The following DUSP10 variants were observed in gnomAD, a reference collection of about 807,000 sequenced individuals.
DUSP10 encodes dual specificity protein phosphatase 10.
Under a neutral mutation model 30.8 loss-of-function variants are expected in DUSP10, and 14 were observed. That is an observed-to-expected ratio of 0.46 (90% CI 0.30 to 0.71). The LOEUF is 0.71. Among genes scored for constraint, DUSP10 ranks in the 30% least tolerant of loss-of-function variants. The probability of loss-of-function intolerance (pLI) is 0.08; values close to 1 mark genes in which losing one functional copy is unlikely to be tolerated. For synonymous variants in DUSP10, 254 were observed against 250.4 expected, an observed-to-expected ratio of 1.01 and a Z score of -0.14; for missense variants, 550 against 619.4, an observed-to-expected ratio of 0.89 and a Z score of 1.19.
chr1:221,733,371 C>G lies in DUSP10; in HGVS notation c.811+5563G>C, dbSNP rs2102649692. 1.3e-5 allele frequency among the ~76,000 whole-genome samples: 2 copies of G among 152,306 alleles called. 1 individual carries two copies. Among genetic ancestry groups the G allele is most frequent in the African/African-American group, 4.8e-5 (2 of 41,566 alleles). Reference sequence around the variant, plus strand: ...CAAAGTGCTTTACCTATTCAGTTTCCTTCCCCTGCTTTGCTTTTCTAATGT... The same window carrying G: ...CAAAGTGCTTTACCTATTCAGTTTCGTTCCCCTGCTTTGCTTTTCTAATGT... On this transcript the variant is annotated intron_variant, in intron 2 of 3. Transcript: ENST00000366899.
intron 2 of DUSP10, among the ~76,000 whole-genome samples, chr1:221,724,946 G>A (rs1247907988): frequency 6.6e-6 from 1 of 152,170 alleles, no homozygotes; most frequent in African/African-American, 2.4e-5. Context: ...GTTTTAATAT[G>A]AGCCAAATCA....
intron 2 of DUSP10, among the ~76,000 whole-genome samples, chr1:221,716,159 C>A (rs947344534): frequency 1.3e-5 from 2 of 152,198 alleles, no homozygotes; most frequent in African/African-American, 4.8e-5. Context: ...CATTTTGATG[C>A]TTGAATTTCA....
rs1250761459 is a variant in DUSP10 at position 221,739,625 on chromosome 1, G to A, written c.120C>T (p.Asn40=). 12 of 1,614,066 alleles carry A rather than the reference G, an allele frequency of 7.4e-6. No homozygotes were observed. The highest frequency in any genetic ancestry group is 1.0e-5 in the Non-Finnish European group (12 of 1,180,044). ...SYLGSANPGS[N]SHPPVIATTV... ...TGGTGGCGATGACAGGAGGGTGGCT[G>A]TTACTGCCTGGGTTGGCAGAGCCAA... The change falls in exon 2 of 4, where the codon AAC becomes AAT. Residue 40 remains asparagine (N), a synonymous_variant. Transcript: ENST00000366899.
chr1:221,722,600 T>A (rs1034509570), intron 2 of DUSP10, among the ~76,000 whole-genome samples: 3 of 152,252 alleles, frequency 2.0e-5, no homozygotes, highest in African/African-American at 7.2e-5. Context: ...CTTGTTTTAT[T>A]CCTAGTTTTC....
intron 2 of DUSP10, among the ~76,000 whole-genome samples, chr1:221,732,199 T>C (rs1274510901): frequency 1.3e-5 from 2 of 152,158 alleles, no homozygotes; most frequent in African/African-American, 4.8e-5. Flanking sequence ...AACAAACAAA[T>C]GAATCTCCTC....
chr1:221,701,988 C>T lies in DUSP10; in HGVS notation c.*424G>A, dbSNP rs746951360. On this transcript the variant is annotated 3_prime_UTR_variant, in exon 4 of 4. Coordinates refer to ENST00000366899, the MANE Select transcript of DUSP10 (RefSeq NM_007207.6). ...GTTTTTGTTTTCTGTGTGGACAGCC[C>T]AGGTTGATCCCAGGCCTTGGTGATT... 1.2e-5 allele frequency: 2 copies of T among 169,302 alleles called. No individual in the cohort carries two copies. The highest frequency in any genetic ancestry group is 4.8e-5 in the African/African-American group (2 of 41,508). The allele number at this position is 169,302 out of a possible 1,614,324, so 10.5% of individuals were successfully genotyped here. A position where few individuals can be genotyped will look rare whatever the true frequency, so the allele number is the denominator to read the frequency against.
In DUSP10 at chr1:221,702,318, A is replaced by AT; in HGVS notation, c.*93_*94insA. 1 of 1,401,028 alleles carries AT rather than the reference A, an allele frequency of 7.1e-7. No individual in the cohort carries two copies. The highest frequency in any genetic ancestry group is 9.7e-7 in the Non-Finnish European group (1 of 1,035,410). 86.8% of individuals were successfully genotyped at this position (1,401,028 alleles called of 1,614,324 possible). A position where few individuals can be genotyped will look rare whatever the true frequency, so the allele number is the denominator to read the frequency against. On this transcript the variant is annotated 3_prime_UTR_variant, in exon 4 of 4. Transcript: ENST00000366899. This position sits in a 1 kb window ranked among gnomAD's most constrained non-coding sequence, Gnocchi z 4.5. Reference sequence around the variant, plus strand: ...TCCATTCACAAACTTACTCCCAACTACAAAAAAAAAAAGAAAGAAAAAAAA... The same window carrying AT: ...TCCATTCACAAACTTACTCCCAACTATCAAAAAAAAAAAGAAAGAAAAAAAA...
At chr1:221,733,677 T>A (rs888691221) in intron 2 of DUSP10, among the ~76,000 whole-genome samples, 1 of 152,220 alleles carries the variant, frequency 6.6e-6, no homozygotes, top group Non-Finnish European at 1.5e-5. Context: ...TATCACCTTG[T>A]TTCAACCTAG....
Position 221,721,648 on chromosome 1 carries a change from T to C in DUSP10, c.812-15182A>G, listed in dbSNP as rs12030765. ...GGCTGAAATCCAAGGCAAATCACACTTGGTGGCCTCTTACCCCTTTCTCCT... is the reference window on the plus strand; with the variant it reads ...GGCTGAAATCCAAGGCAAATCACACCTGGTGGCCTCTTACCCCTTTCTCCT... On this transcript the variant is annotated intron_variant, in intron 2 of 3. Transcript: ENST00000366899. 8.6e-3 allele frequency among the ~76,000 whole-genome samples: 1,309 copies of C among 152,226 alleles called. 44 individuals are homozygous for C. Among genetic ancestry groups the C allele is most frequent in the East Asian group, 0.061 (316 of 5,166 alleles).
At chr1:221,722,959 C>A (rs1391639382) in intron 2 of DUSP10, among the ~76,000 whole-genome samples, 1 of 151,722 alleles carries the variant, frequency 6.6e-6, no homozygotes, top group Non-Finnish European at 1.5e-5. Context: ...TAGGACATAC[C>A]ACAAAAGCGT....
chr1:221,702,305 C>T lies in DUSP10; in HGVS notation c.*107G>A, dbSNP rs1660628205. 2 of 1,334,396 alleles carry T rather than the reference C, an allele frequency of 1.5e-6. No individual in the cohort carries two copies. The highest frequency in any genetic ancestry group is 4.6e-5 in the East Asian group (2 of 43,326). The allele number at this position is 1,334,396 out of a possible 1,614,324, so 82.7% of individuals were successfully genotyped here. Reference sequence around the variant, plus strand: ...AAACAAGTTTGTTTCCATTCACAAACTTACTCCCAACTACAAAAAAAAAAA... The same window carrying T: ...AAACAAGTTTGTTTCCATTCACAAATTTACTCCCAACTACAAAAAAAAAAA... On this transcript the variant is annotated 3_prime_UTR_variant, in exon 4 of 4. Transcript: ENST00000366899. The surrounding 1 kb of genome is among the most constrained non-coding windows in gnomAD (Gnocchi z 4.5).
At chr1:221,703,201 A>ATG (rs150612120) in intron 3 of DUSP10, among the ~76,000 whole-genome samples, 42,476 of 149,844 alleles carry the variant, frequency 0.28, 6,290 homozygotes, top group African/African-American at 0.38. Context: ...ATGTGTGTGT[A>ATG]TGTGTGTGTG....
chr1:221,739,641 G>T lies in DUSP10; in HGVS notation c.104C>A (p.Ala35Asp). ...AGGGTGGCTGTTACTGCCTGGGTTG[G>T]CAGAGCCAAGGTAACTAGAGTCTAA... is the stretch of plus-strand genomic sequence containing the variant. ...LCLDSSYLGS[A>D]NPGSNSHPPV... The change falls in exon 2 of 4, where the codon GCC (alanine) becomes GAC (aspartate). Residue 35 changes from alanine to aspartate, a missense_variant. Ala to Asp is a moderately radical substitution (Grantham distance 126, BLOSUM62 -2). Coordinates refer to ENST00000366899, the MANE Select transcript of DUSP10 (RefSeq NM_007207.6). 6.2e-7 allele frequency: 1 copy of T among 1,614,178 alleles called. No homozygotes were observed. The highest frequency in any genetic ancestry group is 8.5e-7 in the Non-Finnish European group (1 of 1,180,022).
chr1:221,704,490 C>T (rs1660699039), intron 3 of DUSP10, among the ~76,000 whole-genome samples: 1 of 152,202 alleles, frequency 6.6e-6, no homozygotes, highest in Admixed American at 6.5e-5. Flanking sequence ...GTCATAACAT[C>T]ACATCATGTA....
intron 2 of DUSP10, among the ~76,000 whole-genome samples, chr1:221,732,035 A>T (rs983245203): frequency 2.6e-5 from 4 of 152,254 alleles, no homozygotes; most frequent in African/African-American, 9.6e-5. Flanking sequence ...GAATAGAAAC[A>T]TGAACACAAT....
chr1:221,739,901 G>C (rs559550699), intron 1 of DUSP10, 114 bp from the exon 2 acceptor site: 5 of 1,098,742 alleles, frequency 4.6e-6, no homozygotes, highest in Non-Finnish European at 4.9e-6. Flanking sequence ...CGTCCTAATT[G>C]CCCTTTATCA....
chr1:221,702,604 G>A lies in DUSP10; in HGVS notation c.1257C>T (p.Val419=). The part of the protein sequence containing the change: ...QAGVSRSATI[V]IAYLMKHTRM... ...GAGTGTGCTTCATCAAGTAAGCGAT[G>A]ACGATGGTGGCGGAGCGGGACACCC... is the stretch of plus-strand genomic sequence containing the variant. Residue 419 remains valine, a synonymous_variant, in exon 4 of 4, where the codon GTC becomes GTT. Coordinates refer to ENST00000366899, the MANE Select transcript of DUSP10 (RefSeq NM_007207.6). This position sits in a 1 kb window ranked among gnomAD's most constrained non-coding sequence, Gnocchi z 4.5. 8.7e-6 allele frequency: 14 copies of A among 1,614,208 alleles called. No individual in the cohort carries two copies. Among genetic ancestry groups the A allele is most frequent in the Non-Finnish European group, 1.2e-5 (14 of 1,180,040 alleles).
intron 2 of DUSP10, chr1:221,737,565 C>T (rs1661815229): frequency 2.3e-5 from 14 of 616,460 alleles, no homozygotes; most frequent in Non-Finnish European, 2.8e-5. Flanking sequence ...TGTCTAGAAG[C>T]TTCTGGAACT....
Position 221,702,259 on chromosome 1 carries a change from C to CG in DUSP10, c.*152_*153insC. The CG allele has an allele frequency of 2.3e-6, 2 of 859,690 alleles. No individual in the cohort carries two copies. Among genetic ancestry groups the CG allele is most frequent in the Non-Finnish European group, 3.6e-6 (2 of 562,334 alleles). The allele number at this position is 859,690 out of a possible 1,614,324, so 53.3% of individuals were successfully genotyped here. On this transcript the variant is annotated 3_prime_UTR_variant, in exon 4 of 4. Transcript: ENST00000366899. The surrounding 1 kb of genome is among the most constrained non-coding windows in gnomAD (Gnocchi z 4.5). ...CATCAAAAGTTATAGTCTTCTTACA[C>CG]TTGTTAAAAATAAAGTGTTTAAACA...
Sources: gnomAD v4.1 joint callset for allele counts (sites outside exome capture counted in the v4.1 genomes callset) on GRCh38, gnomAD v4.1.1 for gene constraint, Gnocchi (gnomAD v3.1) non-coding constraint, MANE v1.5 for transcripts, NCBI Gene and HGNC (gene_info 2026-07-23, HGNC 2026-07-21) for gene names.